The following AFG1L variants were observed in gnomAD, a reference collection of about 807,000 sequenced individuals.
AFG1L encodes AFG1 like ATPase.
Under a neutral mutation model 62.2 loss-of-function variants are expected in AFG1L, and 53 were observed. That is an observed-to-expected ratio of 0.85 (90% CI 0.68 to 1.07). The LOEUF is 1.07. Among genes scored for constraint, AFG1L ranks in the 50% least tolerant of loss-of-function variants. The pLI, the probability that AFG1L is intolerant of heterozygous loss-of-function variation, is 0.00. For synonymous variants in AFG1L, 228 were observed against 210.3 expected (o/e 1.08, Z -0.73); for missense variants, 555 against 590.5 (o/e 0.94, Z 0.62).
At chr6:108,460,190 T>C (rs1256236695) in intron 8 of AFG1L, among the ~76,000 whole-genome samples, 3 of 151,878 alleles carry the variant, frequency 2.0e-5, no homozygotes, top group Non-Finnish European at 2.9e-5. Context: ...TAAAATTTAT[T>C]TTTATGGCTT....
intron 5 of AFG1L, among the ~76,000 whole-genome samples, chr6:108,363,720 A>G (rs1779635397): frequency 6.6e-6 from 1 of 152,074 alleles, no homozygotes; most frequent in African/African-American, 2.4e-5. Flanking sequence ...AAAAAAAAAG[A>G]ATTCTGATGA....
At chr6:108,456,473 T>G (rs1184777618) in intron 8 of AFG1L, among the ~76,000 whole-genome samples, 12 of 151,958 alleles carry the variant, frequency 7.9e-5, no homozygotes, top group Non-Finnish European at 1.6e-4. Flanking sequence ...TTGCTACTTG[T>G]TTTTTTTGTA....
chr6:108,352,130 C>T (rs1385572320), intron 3 of AFG1L, among the ~76,000 whole-genome samples: 1 of 152,174 alleles, frequency 6.6e-6, no homozygotes, highest in African/African-American at 2.4e-5. Context: ...ACCTCTCTCC[C>T]ACATTTTCCA....
At chr6:108,490,411 T>C (rs1773731177) in intron 10 of AFG1L, among the ~76,000 whole-genome samples, 1 of 152,206 alleles carries the variant, frequency 6.6e-6, no homozygotes, top group Admixed American at 6.5e-5. Context: ...ATCAGTAATA[T>C]CTTAGGGTTT....
At chr6:108,313,111 G>A (rs1036988824) in intron 1 of AFG1L, among the ~76,000 whole-genome samples, 7 of 152,262 alleles carry the variant, frequency 4.6e-5, no homozygotes, top group Admixed American at 3.9e-4. Context: ...GTGATCACAT[G>A]CTCAGTCCAC....
chr6:108,436,406 G>C (rs1406808602), intron 7 of AFG1L, among the ~76,000 whole-genome samples: 2 of 151,246 alleles, frequency 1.3e-5, no homozygotes, highest in Non-Finnish European at 1.5e-5. Flanking sequence ...GCCTCCCAAA[G>C]TGCTGGGATT....
intron 1 of AFG1L, among the ~76,000 whole-genome samples, chr6:108,299,359 G>A (rs1776892881): frequency 6.6e-6 from 1 of 151,898 alleles, no homozygotes. Context: ...TCCTATTGCA[G>A]GTGAAATAAT....
Position 108,510,247 on chromosome 6 carries a change from G to T in AFG1L, c.1098G>T (p.Lys366Asn), listed in dbSNP as rs754723541. 7 of 1,610,662 alleles carry T rather than the reference G, an allele frequency of 4.3e-6. No homozygotes were observed. Among genetic ancestry groups the T allele is most frequent in the South Asian group, 2.2e-5 (2 of 90,580 alleles). Residue 366 changes from lysine to asparagine, a missense_variant, in exon 11 of 13, where the codon AAG (lysine) becomes AAT (asparagine). Physicochemically the swap from Lys to Asn is moderately conservative, Grantham distance 94. Coordinates refer to ENST00000368977, the MANE Select transcript of AFG1L (RefSeq NM_145315.5). The part of the protein sequence containing the change: ...LGASDYLELS[K>N]NFDTIFLRNI... ...CCAGTGACTATTTGGAACTATCAAA[G>T]AATTTTGATACAATATTTTTACGAA...
At chr6:108,433,465 G>C (rs999157580) in intron 7 of AFG1L, among the ~76,000 whole-genome samples, 1 of 150,738 alleles carries the variant, frequency 6.6e-6, no homozygotes, top group Non-Finnish European at 1.5e-5. Flanking sequence ...TTTTTTTTTT[G>C]GTAGAGACGG....
In AFG1L at chr6:108,382,827, T is replaced by C. The variant is rs1780606233; in HGVS notation, c.748+16495T>C. On this transcript the variant is annotated intron_variant, in intron 6 of 12. Transcript: ENST00000368977. ...AGGGAAACTAGGAAAAAGCCACATATCTTGATTGTAGAGTTGCATCAGAAT... is the reference window on the plus strand; with the variant it reads ...AGGGAAACTAGGAAAAAGCCACATACCTTGATTGTAGAGTTGCATCAGAAT... Among the ~76,000 whole-genome samples, 3 of 152,180 alleles carry C rather than the reference T, an allele frequency of 2.0e-5. No individual in the cohort carries two copies. The South Asian group carries it at 6.2e-4, about 32-fold the overall frequency.
chr6:108,390,121 A>C (rs916458514), intron 6 of AFG1L, among the ~76,000 whole-genome samples: 2 of 151,846 alleles, frequency 1.3e-5, no homozygotes, highest in African/African-American at 4.8e-5. Context: ...GCTTCATTTC[A>C]GCTTCATCAC....
intron 8 of AFG1L, among the ~76,000 whole-genome samples, chr6:108,457,608 A>G (rs1772302317): frequency 6.6e-6 from 1 of 151,974 alleles, no homozygotes; most frequent in East Asian, 1.9e-4. Flanking sequence ...CTTTTGCTTA[A>G]ACAGTCAATA....
At chr6:108,318,079 A>G (rs931758580) in intron 1 of AFG1L, 5 of 154,510 alleles carry the variant, frequency 3.2e-5, no homozygotes, top group Non-Finnish European at 5.7e-5. Context: ...TCCCATAAAC[A>G]TGGTGAATGT....
chr6:108,500,797 C>T (rs983598664), intron 10 of AFG1L, among the ~76,000 whole-genome samples: 2 of 152,144 alleles, frequency 1.3e-5, no homozygotes, highest in African/African-American at 4.8e-5. Flanking sequence ...CCCTTTTCTC[C>T]ACATTCCTCA....
intron 11 of AFG1L, among the ~76,000 whole-genome samples, chr6:108,516,893 C>G (rs1230679616): frequency 1.3e-5 from 2 of 152,024 alleles, no homozygotes; most frequent in Non-Finnish European, 2.9e-5. Flanking sequence ...GAGTGAACTC[C>G]CATTCACAAT....
chr6:108,390,166 C>T (rs1449634557), intron 6 of AFG1L, among the ~76,000 whole-genome samples: 3 of 152,210 alleles, frequency 2.0e-5, no homozygotes, highest in African/African-American at 7.2e-5. Flanking sequence ...GAATCGGCTA[C>T]TGAAGCTTGT....
chr6:108,485,625 AAT>A (rs35609301), intron 10 of AFG1L, among the ~76,000 whole-genome samples: 218 of 12,158 alleles, frequency 0.018, 9 homozygotes, highest in Admixed American at 0.04. Flanking sequence ...TACGAATTTA[AAT>A]ATATATATAT....
intron 6 of AFG1L, among the ~76,000 whole-genome samples, chr6:108,373,473 A>G (rs540570015): frequency 6.6e-6 from 1 of 152,056 alleles, no homozygotes; most frequent in East Asian, 1.9e-4. Context: ...TGACTTTGCT[A>G]TTGTGAATAG....
At chr6:108,435,052 ACCT>A (rs1240636829) in intron 7 of AFG1L, among the ~76,000 whole-genome samples, 12 of 152,004 alleles carry the variant, frequency 7.9e-5, no homozygotes, top group African/African-American at 2.9e-4. Context: ...TGTTCTGATC[ACCT>A]CCTATTTACC....
Sources: allele counts gnomAD v4.1 joint callset (sites outside exome capture counted in the v4.1 genomes callset), GRCh38; gene constraint gnomAD v4.1.1; transcripts MANE v1.5; gene names NCBI Gene and HGNC (gene_info 2026-07-23, HGNC 2026-07-21).